The following ERBIN variants were observed in gnomAD, a reference collection of about 807,000 sequenced individuals.
ERBIN encodes erbb2 interacting protein, also known as densin-180-like protein.
Under a neutral mutation model 158.4 loss-of-function variants are expected in ERBIN, and 60 were observed. The observed-to-expected ratio is 0.38, with a 90% CI of 0.31 to 0.47. The LOEUF (loss-of-function observed/expected upper bound fraction) is 0.47. ERBIN is among the 20% of genes least tolerant of loss of function. The probability of loss-of-function intolerance (pLI) is 0.99; values close to 1 mark genes in which losing one functional copy is unlikely to be tolerated. For missense variants in ERBIN, 1,610 were observed against 1,648.0 expected, an observed-to-expected ratio of 0.98 and a Z score of 0.40; for synonymous variants, 594 against 557.2, an observed-to-expected ratio of 1.07 and a Z score of -0.93.
At chr5:66,009,145 A>T (rs547522630) in intron 4 of ERBIN, among the ~76,000 whole-genome samples, 1 of 152,188 alleles carries the variant, frequency 6.6e-6, no homozygotes, top group Non-Finnish European at 1.5e-5. Context: ...AGGCACTGCT[A>T]CATGTTCTCC....
rs1324867697 is a variant in ERBIN at position 66,079,252 on chromosome 5, A to G, written c.*722A>G. ...GAGCTCGGCAGGATCTGTTCTTGTC[A>G]TAGCCATTGACTATACATTTGCTAC... On this transcript the variant is annotated 3_prime_UTR_variant, in exon 26 of 26. Coordinates refer to ENST00000284037, the MANE Select transcript of ERBIN (RefSeq NM_001253697.2). 1 of 152,604 alleles carries G rather than the reference A, an allele frequency of 6.6e-6. No individual in the cohort carries two copies. Among genetic ancestry groups the G allele is most frequent in the Non-Finnish European group, 1.5e-5 (1 of 68,024 alleles). 9.5% of individuals were successfully genotyped at this position (152,604 alleles called of 1,614,324 possible). A position where few individuals can be genotyped will look rare whatever the true frequency, so the allele number is the denominator to read the frequency against.
At chr5:66,034,654 C>A (rs921691912) in intron 14 of ERBIN, among the ~76,000 whole-genome samples, 1 of 149,474 alleles carries the variant, frequency 6.7e-6, no homozygotes, top group Non-Finnish European at 1.5e-5. Flanking sequence ...GTTTAGGAAA[C>A]ATAGAAGGAT....
Position 65,996,611 on chromosome 5 carries a change from A to T in ERBIN, c.307+1747A>T, listed in dbSNP as rs1752473192. Among the ~76,000 whole-genome samples the T allele has an allele frequency of 2.6e-5, 4 of 151,986 alleles. No homozygotes were observed. The South Asian group carries it at 8.3e-4, about 31-fold the overall frequency. On this transcript the variant is annotated intron_variant, in intron 4 of 25. Transcript: ENST00000284037. ...CTTTTTGTTCACCGTTGCTTTGGGTATTCAGTCTTTTGTGGCTCCATATGA... is the reference window on the plus strand; with the variant it reads ...CTTTTTGTTCACCGTTGCTTTGGGTTTTCAGTCTTTTGTGGCTCCATATGA...
intron 21 of ERBIN, among the ~76,000 whole-genome samples, chr5:66,066,522 TAAAA>T (rs762065039): frequency 3.9e-5 from 4 of 102,120 alleles, no homozygotes; most frequent in African/African-American, 1.6e-4. Context: ...CTGCCAAAAA[TAAAA>T]AAAAAAAAAC....
At chr5:65,930,897 A>T (rs796740015) in intron 1 of ERBIN, among the ~76,000 whole-genome samples, 2 of 152,366 alleles carry the variant, frequency 1.3e-5, no homozygotes, top group African/African-American at 4.8e-5. Flanking sequence ...TTCATGAAAT[A>T]AGCACAATAG....
In ERBIN at chr5:65,934,080, TAG is replaced by T. The variant is rs1743779818; in HGVS notation, c.-58+7278_-58+7279del. Among the ~76,000 whole-genome samples, 5 of 152,252 alleles carry T rather than the reference TAG, an allele frequency of 3.3e-5. No individual in the cohort carries two copies. The South Asian group carries it at 1.0e-3, about 32-fold the overall frequency. On this transcript the variant is annotated intron_variant, in intron 1 of 25. Transcript: ENST00000284037. ...CCTGGCTAATTTTTTGTATTTTTAG[TAG>T]AGATGGGGTTTCACCGTGTTAGCCA...
At chr5:66,006,749 C>G (rs1239771845) in intron 4 of ERBIN, among the ~76,000 whole-genome samples, 1 of 152,052 alleles carries the variant, frequency 6.6e-6, no homozygotes, top group African/African-American at 2.4e-5. Flanking sequence ...AGACACTTCT[C>G]AAAAGAAGAC....
At chr5:66,061,762 T>C (rs984816298) in intron 21 of ERBIN, among the ~76,000 whole-genome samples, 7 of 152,324 alleles carry the variant, frequency 4.6e-5, no homozygotes, top group East Asian at 3.9e-4. Context: ...CTCTCAGCAT[T>C]TGCTTGTCTG....
chr5:66,058,314 T>G (rs1237381894), intron 21 of ERBIN, among the ~76,000 whole-genome samples: 1 of 152,072 alleles, frequency 6.6e-6, no homozygotes, highest in Non-Finnish European at 1.5e-5. Context: ...TTTTCATGTG[T>G]TTTTTGGCTG....
intron 7 of ERBIN, among the ~76,000 whole-genome samples, chr5:66,020,818 AATTGT>A (rs538799692): frequency 9.1e-4 from 138 of 152,142 alleles, no homozygotes; most frequent in African/African-American, 2.8e-3. Context: ...CTTTATTTTG[AATTGT>A]ATTGTATTTA....
intron 1 of ERBIN, among the ~76,000 whole-genome samples, chr5:65,977,193 G>C (rs1461550514): frequency 6.8e-6 from 1 of 146,768 alleles, no homozygotes; most frequent in African/African-American, 2.6e-5. Flanking sequence ...CCGGGCGGGG[G>C]GCTGACCCCC....
intron 21 of ERBIN, chr5:66,068,940 T>C: frequency 6.5e-7 from 1 of 1,535,810 alleles, no homozygotes; most frequent in Non-Finnish European, 8.7e-7. Flanking sequence ...CTGTGGCAGC[T>C]CTAGGGATCT....
rs1198136988 is a variant in ERBIN at position 66,053,513 on chromosome 5, A to T, written c.2195A>T (p.Glu732Val). The T allele has an allele frequency of 6.2e-7, 1 of 1,611,848 alleles. No homozygotes were observed. Among genetic ancestry groups the T allele is most frequent in the South Asian group, 1.1e-5 (1 of 90,720 alleles). Residue 732 changes from glutamate to valine, a missense_variant, in exon 21 of 26, where the codon GAA becomes GTA. By Grantham distance (121) the Glu-to-Val change is moderately radical (BLOSUM62 -2). This residue lies in a region of ERBIN where 1,014 missense variants were observed against 936.1 expected (regional missense o/e 1.08). Coordinates refer to ENST00000284037, the MANE Select transcript of ERBIN (RefSeq NM_001253697.2). ...GATAAAAAAGATTTTAACTTACCTG[A>T]ATATGATTTGAATGTTGAAGAGCGA... ...AHDKKDFNLPEYDLNVEERLV... is the reference protein window; with the variant it reads ...AHDKKDFNLPVYDLNVEERLV...
chr5:66,025,200 C>A, intron 10 of ERBIN: 1 of 383,962 alleles, frequency 2.6e-6, no homozygotes, highest in South Asian at 2.9e-5. Flanking sequence ...AGCAGAGCTA[C>A]AACAGTGAAC....
intron 17 of ERBIN, among the ~76,000 whole-genome samples, chr5:66,045,728 G>A (rs1205254553): frequency 6.6e-6 from 1 of 152,156 alleles, no homozygotes; most frequent in African/African-American, 2.4e-5. Flanking sequence ...AATTGACAGT[G>A]TATTGTCAGC....
In ERBIN at chr5:65,992,873, A is replaced by C. The variant is rs1217658362; in HGVS notation, c.155A>C (p.Tyr52Ser). 6.2e-7 allele frequency: 1 copy of C among 1,611,300 alleles called. No homozygotes were observed. The highest frequency in any genetic ancestry group is 8.5e-7 in the Non-Finnish European group (1 of 1,179,120). ...FTFEKTLEEL[Y>S]LDANQIEELP... The stretch of plus-strand genomic sequence containing the variant: ...TTTGAAAAAACCTTGGAGGAACTCT[A>C]TTTAGATGCTAATCAGATTGAAGAG... Residue 52 changes from tyrosine (Y) to serine (S), a missense_variant, in exon 3 of 26, where the codon TAT (tyrosine) becomes TCT (serine). Physicochemically the swap from Tyr to Ser is moderately radical, Grantham distance 144. This residue lies in a region of ERBIN where 596 missense variants were observed against 711.9 expected (regional missense o/e 0.84). Transcript: ENST00000284037.
At chr5:66,032,092 C>T (rs1035953710) in intron 14 of ERBIN, among the ~76,000 whole-genome samples, 5 of 152,050 alleles carry the variant, frequency 3.3e-5, no homozygotes, top group African/African-American at 1.2e-4. Flanking sequence ...TGCAAAGCAG[C>T]ATAGTATATT....
At chr5:66,038,275 C>T in intron 14 of ERBIN, 108 bp from the exon 15 acceptor site, 1 of 590,026 alleles carries the variant, frequency 1.7e-6, no homozygotes, top group Non-Finnish European at 3.0e-6. Context: ...TTGTAACCTG[C>T]ACATTGATAC....
chr5:66,013,570 G>C lies in ERBIN; in HGVS notation c.408G>C (p.Gln136His). ...PISKLPDGFSQLLNLTQLYLN... is the reference protein window; with the variant it reads ...PISKLPDGFSHLLNLTQLYLN... ...GTAGGCTCCCTGATGGATTTTCTCA[G>C]CTGTTAAACCTAACCCAGTTGTATC... Residue 136 changes from glutamine (Q) to histidine (H), a missense_variant, in exon 6 of 26, where the codon CAG becomes CAC. Around this residue, in one of 2 missense-constraint regions of ERBIN, gnomAD observed 596 missense variants for 711.9 expected, o/e 0.84. Coordinates refer to ENST00000284037, the MANE Select transcript of ERBIN (RefSeq NM_001253697.2). 2 of 1,612,252 alleles carry C rather than the reference G, an allele frequency of 1.2e-6. No homozygotes were observed. Among genetic ancestry groups the C allele is most frequent in the Non-Finnish European group, 1.7e-6 (2 of 1,178,596 alleles).
Sources: gnomAD v4.1 joint callset for allele counts (sites outside exome capture counted in the v4.1 genomes callset) on GRCh38, gnomAD v4.1.1 for gene constraint, gnomAD v4.1.1 regional missense constraint, MANE v1.5 for transcripts, NCBI Gene and HGNC (gene_info 2026-07-23, HGNC 2026-07-21) for gene names.